The following UNC93A variants were observed in gnomAD, a reference collection of about 807,000 sequenced individuals.
The protein encoded by UNC93A is N-acetylglucosamine transporter UNC93A.
Under a neutral mutation model 47.5 loss-of-function variants are expected in UNC93A, and 43 were observed. The ratio of observed to expected loss-of-function variants is 0.91; its 90% CI spans 0.71 to 1.17. The LOEUF (loss-of-function observed/expected upper bound fraction) is 1.17. UNC93A is among the 50% of genes most tolerant of loss of function. The pLI, the probability that UNC93A is intolerant of heterozygous loss-of-function variation, is 0.00. For synonymous variants in UNC93A, 280 were observed against 258.0 expected (o/e 1.09, Z -0.82); for missense variants, 605 against 577.6 (o/e 1.05, Z -0.49).
chr6:167,283,221 A>G (rs1783662152), intron 1 of UNC93A, among the ~76,000 whole-genome samples: 1 of 152,160 alleles, frequency 6.6e-6, no homozygotes. Flanking sequence ...TTTGGGTAAA[A>G]TATTTCGATT....
intron 5 of UNC93A, 67 bp from the exon 6 acceptor site, chr6:167,305,848 G>A (rs895668697): frequency 2.1e-5 from 34 of 1,606,908 alleles, no homozygotes; most frequent in Non-Finnish European, 2.7e-5. Flanking sequence ...GCACCCGACT[G>A]CAGCTTTAGC....
chr6:167,281,157 C>T (rs1379316992), intron 1 of UNC93A, among the ~76,000 whole-genome samples: 1 of 151,494 alleles, frequency 6.6e-6, no homozygotes, highest in African/African-American at 2.4e-5. Context: ...CTGAGAGGAG[C>T]CTCGGTAGGT....
intron 4 of UNC93A, among the ~76,000 whole-genome samples, chr6:167,299,930 CAG>C (rs1778194772): frequency 6.6e-6 from 1 of 152,188 alleles, no homozygotes; most frequent in Non-Finnish European, 1.5e-5. Context: ...CTTAGAGGTG[CAG>C]AGAGACAGCG....
At chr6:167,292,482 C>G (rs1208345319) in intron 1 of UNC93A, among the ~76,000 whole-genome samples, 1 of 152,206 alleles carries the variant, frequency 6.6e-6, no homozygotes, top group Non-Finnish European at 1.5e-5. Context: ...ACACTTGGGA[C>G]TCCTGGGTTG....
chr6:167,312,630 G>T (rs13209799), intron 7 of UNC93A, among the ~76,000 whole-genome samples: 1 of 151,988 alleles, frequency 6.6e-6, no homozygotes, highest in Non-Finnish European at 1.5e-5. Flanking sequence ...TCCATTCTCC[G>T]GCAGCCAGAA....
intron 1 of UNC93A, among the ~76,000 whole-genome samples, chr6:167,283,888 T>TA (rs1479427932): frequency 6.6e-6 from 1 of 152,204 alleles, no homozygotes; most frequent in East Asian, 1.9e-4. Flanking sequence ...ATTTCAAAGA[T>TA]AAATTGAGTC....
upstream of UNC93A, among the ~76,000 whole-genome samples, chr6:167,286,535 C>T (rs1006625473): frequency 8.5e-5 from 13 of 152,180 alleles, no homozygotes; most frequent in East Asian, 1.9e-4. Context: ...GGCATTATCT[C>T]GCTTGGGGAC....
At chr6:167,276,215 C>T (rs996664239) in intron 1 of UNC93A, among the ~76,000 whole-genome samples, 21 of 151,930 alleles carry the variant, frequency 1.4e-4, no homozygotes, top group Non-Finnish European at 2.6e-4. Context: ...AATAGTATTC[C>T]GTTGTGTATA....
Position 167,284,293 on chromosome 6 carries a change from A to G in UNC93A, c.-51-7146A>G, listed in dbSNP as rs1021349637. 2.2e-4 allele frequency among the ~76,000 whole-genome samples: 33 copies of G among 151,804 alleles called. 1 individual carries two copies. The highest frequency in any genetic ancestry group is 7.8e-4 in the African/African-American group (32 of 41,010). ...TGTGACATTTTTCTTCATAGACCAC[A>G]ATGATAACAGTTGCGTGAGCTTCTA... On this transcript the variant is annotated intron_variant, in intron 1 of 3. Transcript: ENST00000503433.
chr6:167,296,220 A>G lies in UNC93A; in HGVS notation c.458A>G (p.Asn153Ser). The G allele has an allele frequency of 6.2e-7, 1 of 1,614,190 alleles. No individual in the cohort carries two copies. Among genetic ancestry groups the G allele is most frequent in the Middle Eastern group, 1.6e-4 (1 of 6,062 alleles). ...TTCCAGTCATCCGGTGTGTGGGGCA[A>G]CTTGATCTCATCGCTGGTATTTGGC... ...LIFQSSGVWG[N>S]LISSLVFGQT... is the part of the protein sequence containing the mutation. The change falls in exon 3 of 8, where the codon AAC (asparagine) becomes AGC (serine). Residue 153 changes from asparagine (N) to serine (S), a missense_variant. Transcript: ENST00000230256.
intron 1 of UNC93A, among the ~76,000 whole-genome samples, chr6:167,273,487 T>G (rs1783485386): frequency 6.6e-6 from 1 of 152,148 alleles, no homozygotes; most frequent in African/African-American, 2.4e-5. Flanking sequence ...GGGTGCCATA[T>G]GTGGTGAGAT....
chr6:167,295,298 G>A (rs1173743269), intron 2 of UNC93A, among the ~76,000 whole-genome samples: 1 of 152,224 alleles, frequency 6.6e-6, no homozygotes, highest in Non-Finnish European at 1.5e-5. Context: ...CCTTCTTCCC[G>A]GTAGCTGCAG....
intron 1 of UNC93A, among the ~76,000 whole-genome samples, chr6:167,292,403 G>T (rs951234182): frequency 6.6e-6 from 1 of 152,212 alleles, no homozygotes; most frequent in Non-Finnish European, 1.5e-5. Context: ...TGTGTGCATA[G>T]TATGGAACCA....
chr6:167,296,182 C>T lies in UNC93A; in HGVS notation c.420C>T (p.Ile140=). ...GKDMVNQYFG[I]FFLIFQSSGV... Reference sequence around the variant, plus strand: ...ACATGGTGAACCAGTATTTTGGCATCTTCTTCCTCATATTCCAGTCATCCG... The same window carrying T: ...ACATGGTGAACCAGTATTTTGGCATTTTCTTCCTCATATTCCAGTCATCCG... Residue 140 remains isoleucine, a synonymous_variant, in exon 3 of 8, where the codon ATC becomes ATT. Transcript: ENST00000230256. The T allele has an allele frequency of 6.2e-7, 1 of 1,614,230 alleles. No homozygotes were observed. The highest frequency in any genetic ancestry group is 8.5e-7 in the Non-Finnish European group (1 of 1,180,046).
At chr6:167,287,066 C>T (rs2115098357), upstream of UNC93A, among the ~76,000 whole-genome samples, 1 of 151,974 alleles carries the variant, frequency 6.6e-6, no homozygotes, top group South Asian at 2.1e-4. Context: ...AAGTGGTTGG[C>T]TCTCGGCTGT....
chr6:167,312,039 C>A (rs1043433211), intron 7 of UNC93A, among the ~76,000 whole-genome samples: 2 of 151,470 alleles, frequency 1.3e-5, no homozygotes, highest in African/African-American at 4.9e-5. Context: ...ACTCAGTCAT[C>A]GTATCTTCTG....
At position 167,291,559 on chromosome 6, in the gene UNC93A, G is replaced by C; in HGVS notation, c.70G>C (p.Gly24Arg). 1 of 1,613,088 alleles carries C rather than the reference G, an allele frequency of 6.2e-7. No homozygotes were observed. The highest frequency in any genetic ancestry group is 8.5e-7 in the Non-Finnish European group (1 of 1,179,578). Reference sequence around the variant, plus strand: ...CCTGCTTCTCTTTACAGCCTATGGAGGTCTGCAGAGCCTGCAGGTATGTGT... The same window carrying C: ...CCTGCTTCTCTTTACAGCCTATGGACGTCTGCAGAGCCTGCAGGTATGTGT... ...GFLLLFTAYG[G>R]LQSLQSSLYS... Residue 24 changes from glycine to arginine, a missense_variant, in exon 1 of 8, where the codon GGT becomes CGT. Physicochemically the swap from Gly to Arg is moderately radical, Grantham distance 125. Coordinates refer to ENST00000230256, the MANE Select transcript of UNC93A (RefSeq NM_018974.4).
chr6:167,302,958 C>A (rs1778282468), intron 4 of UNC93A, among the ~76,000 whole-genome samples: 1 of 152,176 alleles, frequency 6.6e-6, no homozygotes, highest in East Asian at 1.9e-4. Context: ...GTGACCCTTC[C>A]CTCTGTCCAG....
At chr6:167,291,224 C>T (rs970354258), upstream of UNC93A, 6 of 331,070 alleles carry the variant, frequency 1.8e-5, no homozygotes, top group African/African-American at 1.1e-4. Context: ...TGATCTTTTG[C>T]CCCATACAAA....
Sources: gnomAD v4.1 joint callset for allele counts (sites outside exome capture counted in the v4.1 genomes callset) on GRCh38, gnomAD v4.1.1 for gene constraint, MANE v1.5 for transcripts, NCBI Gene and HGNC (gene_info 2026-07-23, HGNC 2026-07-21) for gene names.